ELP4: variants seen among roughly 807,000 people sequenced by gnomAD.
ELP4 encodes the protein elongator complex protein 4.
In ELP4, 51 loss-of-function variants were observed where a neutral mutation model predicts 48.9. The ratio of observed to expected loss-of-function variants is 1.04; its 90% CI spans 0.83 to 1.32. The LOEUF is 1.32. ELP4 is among the 40% of genes most tolerant of loss of function. The probability of loss-of-function intolerance (pLI) is 0.00; values close to 1 mark genes in which losing one functional copy is unlikely to be tolerated. For missense variants in ELP4, 519 were observed against 514.6 expected, an observed-to-expected ratio of 1.01 and a Z score of -0.08; for synonymous variants, 210 against 189.2, an observed-to-expected ratio of 1.11 and a Z score of -0.90.
At chr11:31,750,407 T>G (rs1229682975) in intron 9 of ELP4, among the ~76,000 whole-genome samples, 1 of 152,052 alleles carries the variant, frequency 6.6e-6, no homozygotes, top group Non-Finnish European at 1.5e-5. Flanking sequence ...ACTACTTTCT[T>G]TTTAGTACAT....
intron 3 of ELP4, among the ~76,000 whole-genome samples, chr11:31,550,031 T>C (rs1956815524): frequency 6.6e-6 from 1 of 152,092 alleles, no homozygotes; most frequent in Non-Finnish European, 1.5e-5. Context: ...ATATACCTAA[T>C]GCTAGATGAC....
intron 3 of ELP4, among the ~76,000 whole-genome samples, chr11:31,587,326 C>T (rs111932557): frequency 1.1e-3 from 167 of 151,950 alleles, no homozygotes; most frequent in Admixed American, 1.8e-3. Context: ...GAATGTAAAA[C>T]GTTATAAACC....
At chr11:31,703,777 A>G (rs1375540135) in intron 9 of ELP4, among the ~76,000 whole-genome samples, 1 of 152,208 alleles carries the variant, frequency 6.6e-6, no homozygotes, top group Non-Finnish European at 1.5e-5. Context: ...ATTGAAAAAT[A>G]AGAATTAGTG....
In ELP4 at chr11:31,556,718, TTG is replaced by T. The variant is rs554343860; in HGVS notation, c.381+16937_381+16938del. On this transcript the variant is annotated intron_variant, in intron 3 of 9. Transcript: ENST00000640961. ...TCTAAGATCGAGAGCAAAACATAAA[TTG>T]TTGCATTAACTTTCGAATTATCTGT... 2.6e-5 allele frequency among the ~76,000 whole-genome samples: 4 copies of T among 151,996 alleles called. No homozygotes were observed. The South Asian group carries it at 8.3e-4, about 31-fold the overall frequency.
At chr11:31,616,214 A>G (rs1944479886) in intron 5 of ELP4, among the ~76,000 whole-genome samples, 2 of 152,036 alleles carry the variant, frequency 1.3e-5, no homozygotes, top group African/African-American at 4.8e-5. Context: ...ATTGTGGTAT[A>G]AAGTAAAAAT....
intron 5 of ELP4, among the ~76,000 whole-genome samples, chr11:31,623,474 G>A (rs116373226): frequency 6.7e-4 from 98 of 146,344 alleles, no homozygotes; most frequent in African/African-American, 2.0e-3. Flanking sequence ...AATGATTTCA[G>A]TTTTAAGTGA....
intron 3 of ELP4, among the ~76,000 whole-genome samples, chr11:31,543,027 G>A (rs545257756): frequency 5.3e-5 from 8 of 152,254 alleles, no homozygotes; most frequent in African/African-American, 1.7e-4. Flanking sequence ...GAGGTGCAAA[G>A]TGGATTAGAC....
chr11:31,533,561 G>A (rs12574887), intron 2 of ELP4, among the ~76,000 whole-genome samples: 1 of 149,556 alleles, frequency 6.7e-6, no homozygotes, highest in East Asian at 2.0e-4. Context: ...TTTTCTTTTT[G>A]TATTTTTTAG....
intron 9 of ELP4, among the ~76,000 whole-genome samples, chr11:31,740,588 T>C (rs1049523531): frequency 5.9e-5 from 9 of 152,238 alleles, no homozygotes; most frequent in African/African-American, 2.2e-4. Flanking sequence ...CAGATATTAA[T>C]ATTATCGAAA....
intron 3 of ELP4, among the ~76,000 whole-genome samples, chr11:31,546,059 G>A (rs997465436): frequency 3.3e-5 from 5 of 151,752 alleles, no homozygotes; most frequent in African/African-American, 1.2e-4. Context: ...ATCGAGACTA[G>A]GAAGAAACTG....
intron 9 of ELP4, among the ~76,000 whole-genome samples, chr11:31,700,608 A>G (rs1946501121): frequency 6.6e-6 from 1 of 152,092 alleles, no homozygotes; most frequent in South Asian, 2.1e-4. Flanking sequence ...CAGAACCAAG[A>G]TCTCTTGATT....
Position 31,766,128 on chromosome 11 carries a change from A to G in ELP4, c.1144-17265A>G, listed in dbSNP as rs950935369. On this transcript the variant is annotated intron_variant, in intron 9 of 9. Transcript: ENST00000640961. ...TAGGGAATCAAAAATGTGTACATTAATATTTTAAATACAGATTAAACCCAG... is the reference window on the plus strand; with the variant it reads ...TAGGGAATCAAAAATGTGTACATTAGTATTTTAAATACAGATTAAACCCAG... Among the ~76,000 whole-genome samples the G allele has an allele frequency of 3.9e-5, 6 of 152,242 alleles. No homozygotes were observed. The South Asian group carries it at 1.0e-3, about 26-fold the overall frequency.
intron 5 of ELP4, among the ~76,000 whole-genome samples, chr11:31,606,298 A>T (rs372606110): frequency 5.9e-5 from 9 of 152,094 alleles, no homozygotes; most frequent in African/African-American, 2.2e-4. Context: ...GCATGTGCTC[A>T]TTTCACTAAA....
chr11:31,688,464 C>T (rs757619027), intron 9 of ELP4, among the ~76,000 whole-genome samples: 27 of 152,152 alleles, frequency 1.8e-4, no homozygotes, highest in South Asian at 8.3e-4. Context: ...TTCTTTCCTC[C>T]CACTCTTTTG....
chr11:31,608,472 G>A (rs571050141), intron 5 of ELP4, among the ~76,000 whole-genome samples: 57 of 151,990 alleles, frequency 3.8e-4, no homozygotes, highest in African/African-American at 1.4e-3. Context: ...ATTGGGGAAT[G>A]TTGGGAAATT....
At chr11:31,707,375 G>A (rs79966073) in intron 9 of ELP4, 52 of 180,564 alleles carry the variant, frequency 2.9e-4, no homozygotes, top group Admixed American at 5.6e-4. Flanking sequence ...CTTTTATAAC[G>A]TATACAAAAA....
intron 2 of ELP4, among the ~76,000 whole-genome samples, chr11:31,535,911 T>A (rs1956493329): frequency 6.6e-6 from 1 of 152,150 alleles, no homozygotes; most frequent in African/African-American, 2.4e-5. Flanking sequence ...ACCCATGTTG[T>A]TGCATGTATA....
intron 1 of ELP4, chr11:31,510,590 A>G: frequency 2.5e-6 from 1 of 393,152 alleles, no homozygotes; most frequent in Non-Finnish European, 4.5e-6. Flanking sequence ...GTTGATATTT[A>G]GATAGTGTCT....
intron 9 of ELP4, among the ~76,000 whole-genome samples, chr11:31,692,526 C>G (rs572450374): frequency 1.3e-5 from 2 of 152,256 alleles, no homozygotes; most frequent in East Asian, 3.9e-4. Flanking sequence ...TTTTCATTTG[C>G]AAGGGCACAG....
Sources: gnomAD v4.1 joint callset for allele counts (sites outside exome capture counted in the v4.1 genomes callset) on GRCh38, gnomAD v4.1.1 for gene constraint, MANE v1.5 for transcripts, NCBI Gene and HGNC (gene_info 2026-07-23, HGNC 2026-07-21) for gene names.